DDX42: variants seen among roughly 807,000 people sequenced by gnomAD.
The protein encoded by DDX42 is ATP-dependent RNA helicase DDX42.
Under a neutral mutation model 101.5 loss-of-function variants are expected in DDX42, and 22 were observed. The observed-to-expected ratio is 0.22, with a 90% CI of 0.15 to 0.31. DDX42 has a LOEUF of 0.31. Among genes scored for constraint, DDX42 ranks in the 10% least tolerant of loss-of-function variants. The pLI is 1.00. For synonymous variants in DDX42, 402 were observed against 401.2 expected (o/e 1.00, Z -0.02); for missense variants, 849 against 1,199.9 (o/e 0.71, Z 4.32).
In DDX42 at chr17:63,799,640, A is replaced by G; in HGVS notation, c.471+15A>G. The G allele has an allele frequency of 3.1e-6, 5 of 1,610,944 alleles. No homozygotes were observed. The highest frequency in any genetic ancestry group is 4.2e-6 in the Non-Finnish European group (5 of 1,178,024). On this transcript the variant is annotated intron_variant, in intron 5 of 17. Transcript: ENST00000389924. ...AAGATGACCAAGTGAGTTCCTATGCAGTATTTCTATCTTTTATTTTTATCC... is the reference window on the plus strand; with the variant it reads ...AAGATGACCAAGTGAGTTCCTATGCGGTATTTCTATCTTTTATTTTTATCC...
At chr17:63,803,122 A>T (rs942962265) in intron 6 of DDX42, among the ~76,000 whole-genome samples, 11 of 152,180 alleles carry the variant, frequency 7.2e-5, no homozygotes, top group African/African-American at 2.4e-4. Context: ...CAAATGATCA[A>T]TGTATGACAT....
chr17:63,818,029 C>T lies in DDX42; in HGVS notation c.2448C>T (p.Ser816=), dbSNP rs2039998866. 1.2e-6 allele frequency: 2 copies of T among 1,613,930 alleles called. No individual in the cohort carries two copies. Among genetic ancestry groups the T allele is most frequent in the African/African-American group, 1.3e-5 (1 of 74,894 alleles). Residue 816 remains serine (S), a synonymous_variant, in exon 18 of 18, where the codon AGC becomes AGT. Coordinates refer to ENST00000389924, the MANE Select transcript of DDX42 (RefSeq NM_203499.3). Reference sequence around the variant, plus strand: ...AGAGATATACTGAGAACCGGGGCAGCAGCCGTCACAGTCACGGAGAGACTG... The same window carrying T: ...AGAGATATACTGAGAACCGGGGCAGTAGCCGTCACAGTCACGGAGAGACTG... The part of the protein sequence containing the change: ...KRERYTENRG[S]SRHSHGETGN...
At chr17:63,806,284 T>G (rs1363700177) in intron 7 of DDX42, 1 of 296,622 alleles carries the variant, frequency 3.4e-6, no homozygotes, top group Non-Finnish European at 6.1e-6. Context: ...TAATTTTGAG[T>G]TAAGAAATTT....
In DDX42 at chr17:63,818,189, C is replaced by T. The variant is rs780977280; in HGVS notation, c.2608C>T (p.Arg870Trp). 6.2e-6 allele frequency: 10 copies of T among 1,613,830 alleles called. No individual in the cohort carries two copies. The highest frequency in any genetic ancestry group is 1.3e-5 in the African/African-American group (1 of 74,960). Reference sequence around the variant, plus strand: ...GAACAGACATGGAGGAAGCGCAGGCCGGCATGGGGAGAACCGGGGTGCAAA... The same window carrying T: ...GAACAGACATGGAGGAAGCGCAGGCTGGCATGGGGAGAACCGGGGTGCAAA... ...GENRHGGSAGRHGENRGANDG... is the reference protein window; with the variant it reads ...GENRHGGSAGWHGENRGANDG... The change falls in exon 18 of 18, where the codon CGG becomes TGG. Residue 870 changes from arginine to tryptophan, a missense_variant. Coordinates refer to ENST00000389924, the MANE Select transcript of DDX42 (RefSeq NM_203499.3).
In DDX42 at chr17:63,818,580, T is replaced by C. The variant is rs1711592864; in HGVS notation, c.*182T>C. On this transcript the variant is annotated 3_prime_UTR_variant, in exon 18 of 18. Transcript: ENST00000389924. ...ATTTTCGGATGTTTTCTTGGGAAGCTGTTTTGGTCCTTGGAAGCAGTGAGA... is the reference window on the plus strand; with the variant it reads ...ATTTTCGGATGTTTTCTTGGGAAGCCGTTTTGGTCCTTGGAAGCAGTGAGA... 1 of 614,608 alleles carries C rather than the reference T, an allele frequency of 1.6e-6. No individual in the cohort carries two copies. Among genetic ancestry groups the C allele is most frequent in the East Asian group, 2.9e-5 (1 of 34,412 alleles). The allele number at this position is 614,608 out of a possible 1,614,324, so 38.1% of individuals were successfully genotyped here.
rs992261690 is a variant in DDX42, at chr17:63,819,204, G to A, written c.*806G>A. On this transcript the variant is annotated 3_prime_UTR_variant, in exon 18 of 18. Transcript: ENST00000389924. ...ATGATTTTGATGATTTTTGTTTATC[G>A]TTTATAAAAAGGAAAAGAAATATAC... The A allele has an allele frequency of 3.3e-5, 5 of 152,434 alleles. No individual in the cohort carries two copies. Among genetic ancestry groups the A allele is most frequent in the Non-Finnish European group, 5.9e-5 (4 of 67,996 alleles). 9.4% of individuals were successfully genotyped at this position (152,434 alleles called of 1,614,324 possible). A position where few individuals can be genotyped will look rare whatever the true frequency, so the allele number is the denominator to read the frequency against.
intron 1 of DDX42, among the ~76,000 whole-genome samples, chr17:63,777,587 A>G (rs1018336028): frequency 5.3e-5 from 8 of 151,832 alleles, no homozygotes; most frequent in African/African-American, 1.7e-4. Context: ...AGCTGGGACT[A>G]CAGGTGCCCA....
chr17:63,798,123 C>A (rs760219361), intron 4 of DDX42, 24 bp downstream of exon 4: 2 of 1,609,874 alleles, frequency 1.2e-6, no homozygotes, highest in Non-Finnish European at 1.7e-6. Flanking sequence ...TTCTCCCTCA[C>A]AAAGGTTACG....
chr17:63,789,712 T>G (rs2039602433), intron 2 of DDX42, among the ~76,000 whole-genome samples: 1 of 151,680 alleles, frequency 6.6e-6, no homozygotes, highest in African/African-American at 2.4e-5. Context: ...TAGCTGGGAT[T>G]ACAGACATGT....
intron 2 of DDX42, among the ~76,000 whole-genome samples, chr17:63,788,399 C>A (rs1048145483): frequency 2.7e-5 from 4 of 150,912 alleles, no homozygotes; most frequent in Non-Finnish European, 5.9e-5. Context: ...CTCCGCCTCC[C>A]AGGTTCAAGT....
chr17:63,800,418 A>C, intron 5 of DDX42, 50 bp from the exon 6 acceptor site: 5 of 1,581,378 alleles, frequency 3.2e-6, no homozygotes, highest in Non-Finnish European at 4.3e-6. Context: ...AGGAGCAGAA[A>C]CATTCTCAAT....
intron 17 of DDX42, 103 bp downstream of exon 17, chr17:63,817,069 G>T (rs2039985555): frequency 3.3e-6 from 3 of 906,232 alleles, no homozygotes; most frequent in South Asian, 3.1e-5. Flanking sequence ...TAGGCTTGAT[G>T]CTAGATTTAG....
At chr17:63,815,978 G>C (rs1447177391) in intron 16 of DDX42, 2 of 169,778 alleles carry the variant, frequency 1.2e-5, no homozygotes, top group Admixed American at 6.3e-5. Context: ...CCCAGACCTT[G>C]TGAATCAGAA....
At chr17:63,782,009 C>G (rs530801921) in intron 1 of DDX42, among the ~76,000 whole-genome samples, 4 of 149,720 alleles carry the variant, frequency 2.7e-5, no homozygotes, top group African/African-American at 9.9e-5. Context: ...GACTCCGTCT[C>G]AAAAAATAAA....
At chr17:63,806,717 A>G in intron 8 of DDX42, 63 bp downstream of exon 8, 4 of 1,513,912 alleles carry the variant, frequency 2.6e-6, no homozygotes, top group Non-Finnish European at 3.6e-6. Flanking sequence ...TATTAATTTA[A>G]AAACAAATCA....
At chr17:63,786,918 C>T (rs1213197079) in intron 1 of DDX42, 116 bp from the exon 2 acceptor site, 1 of 960,062 alleles carries the variant, frequency 1.0e-6, no homozygotes, top group African/African-American at 1.6e-5. Flanking sequence ...CCTCATGGTC[C>T]ACCTGCCTTG....
At chr17:63,793,893 A>G (rs2039660125) in intron 3 of DDX42, among the ~76,000 whole-genome samples, 1 of 148,926 alleles carries the variant, frequency 6.7e-6, no homozygotes, top group Non-Finnish European at 1.5e-5. Flanking sequence ...TTTTTAACTG[A>G]TAACAAAACC....
Position 63,802,015 on chromosome 17 carries a change from A to G in DDX42, c.621+1398A>G, listed in dbSNP as rs1000427658. ...CCTTTCAGGGAGCCTACAGAGTCCA[A>G]ACACTTTTCATTATACCAAGATTGT... On this transcript the variant is annotated intron_variant, in intron 6 of 17. Transcript: ENST00000389924. Among the ~76,000 whole-genome samples, 7 of 152,300 alleles carry G rather than the reference A, an allele frequency of 4.6e-5. No homozygotes were observed. In the South Asian group the frequency reaches 6.2e-4, roughly 14 times the overall value.
chr17:63,783,023 G>T (rs904284739), intron 1 of DDX42, among the ~76,000 whole-genome samples: 1 of 152,060 alleles, frequency 6.6e-6, no homozygotes, highest in Non-Finnish European at 1.5e-5. Context: ...CATCTGAAAT[G>T]CCCTTCTTTA....
Sources: gnomAD v4.1 joint callset for allele counts (sites outside exome capture counted in the v4.1 genomes callset) on GRCh38, gnomAD v4.1.1 for gene constraint, MANE v1.5 for transcripts, NCBI Gene and HGNC (gene_info 2026-07-23, HGNC 2026-07-21) for gene names.